The following ITGB8 variants were observed in gnomAD, a reference collection of about 807,000 sequenced individuals.
ITGB8 encodes the protein integrin subunit beta 8.
Under a neutral mutation model 89.5 loss-of-function variants are expected in ITGB8, and 30 were observed. The observed-to-expected ratio is 0.34, with a 90% CI of 0.25 to 0.45. ITGB8 has a LOEUF of 0.45. Ranked by LOEUF, ITGB8 falls within the 20% of genes least tolerant of loss-of-function variation. The probability of loss-of-function intolerance (pLI) is 1.00; values close to 1 mark genes in which losing one functional copy is unlikely to be tolerated. For missense variants in ITGB8, 836 were observed against 933.3 expected (o/e 0.90, Z 1.36); for synonymous variants, 335 against 320.4 (o/e 1.05, Z -0.49).
chr7:20,401,821 T>C lies in ITGB8; in HGVS notation c.1382T>C (p.Ile461Thr). Residue 461 changes from isoleucine to threonine, a missense_variant, in exon 10 of 14, where the codon ATT becomes ACT. This residue lies in a region of ITGB8 where 422 missense variants were observed against 416.9 expected (regional missense o/e 1.01). Transcript: ENST00000222573. ...KPIGFNETAK[I>T]HIHRNCSCQC... ...ATTGGTTTTAATGAAACCGCTAAAA[T>C]TCATATACACAGAAACTGCAGCTGT... 1 of 1,613,504 alleles carries C rather than the reference T, an allele frequency of 6.2e-7. No individual in the cohort carries two copies. Among genetic ancestry groups the C allele is most frequent in the Non-Finnish European group, 8.5e-7 (1 of 1,179,866 alleles).
intron 3 of ITGB8, 79 bp downstream of exon 3, chr7:20,367,265 T>C (rs1785738440): frequency 9.4e-7 from 1 of 1,062,524 alleles, no homozygotes; most frequent in African/African-American, 1.6e-5. Flanking sequence ...ATTTTTAATA[T>C]TATGTGGCAG....
intron 3 of ITGB8, among the ~76,000 whole-genome samples, chr7:20,368,755 A>C (rs1245598442): frequency 6.6e-6 from 1 of 152,104 alleles, no homozygotes; most frequent in Non-Finnish European, 1.5e-5. Flanking sequence ...ACTGAATATA[A>C]GCTGTATTTT....
intron 1 of ITGB8, among the ~76,000 whole-genome samples, chr7:20,353,931 C>CAAAAA (rs1158594685): frequency 0.011 from 612 of 55,600 alleles, 68 homozygotes; most frequent in Non-Finnish European, 0.014. Context: ...GACTCCGTCT[C>CAAAAA]AAAAAAAAAA....
At position 20,411,865 on chromosome 7, in the gene ITGB8, A is replaced by G. The variant is rs1787774233; in HGVS notation, c.*1868A>G. 1 of 151,958 alleles carries G rather than the reference A, an allele frequency of 6.6e-6. No homozygotes were observed. The highest frequency in any genetic ancestry group is 1.5e-5 in the Non-Finnish European group (1 of 67,988). The allele number at this position is 151,958 out of a possible 1,614,324, so 9.4% of individuals were successfully genotyped here. A position where few individuals can be genotyped will look rare whatever the true frequency, so the allele number is the denominator to read the frequency against. On this transcript the variant is annotated 3_prime_UTR_variant, in exon 14 of 14. Coordinates refer to ENST00000222573, the MANE Select transcript of ITGB8 (RefSeq NM_002214.3). The stretch of plus-strand genomic sequence containing the variant: ...CTCCAGTGCTCAGCTTGAGACCTTG[A>G]TACACGGGCCATGAGCCCTGTCTTC...
chr7:20,410,147 C>A lies in ITGB8; in HGVS notation c.*150C>A. On this transcript the variant is annotated 3_prime_UTR_variant, in exon 14 of 14. Transcript: ENST00000222573. ...TCGAACGAAGACTGACAAGTATCCT[C>A]ATCATGATGTGACTCACATAGCTGC... 1 of 722,730 alleles carries A rather than the reference C, an allele frequency of 1.4e-6. No individual in the cohort carries two copies. The highest frequency in any genetic ancestry group is 2.3e-6 in the Non-Finnish European group (1 of 437,876). 44.8% of individuals were successfully genotyped at this position (722,730 alleles called of 1,614,324 possible).
Position 20,409,906 on chromosome 7 carries a change from GA to G in ITGB8, c.2220del (p.Ala741GlnfsTer12), listed in dbSNP as rs866482932. 1 of 1,613,572 alleles carries G rather than the reference GA, an allele frequency of 6.2e-7. No homozygotes were observed. The highest frequency in any genetic ancestry group is 8.5e-7 in the Non-Finnish European group (1 of 1,179,764). ...DKLILQSVCT[R>X]AVTYRREKPE... The stretch of plus-strand genomic sequence containing the variant: ...TTGATTCTGCAAAGTGTTTGCACAA[GA>G]GCAGTCACCTACCGACGTGAGAAGC... On this transcript the variant is annotated frameshift_variant, in exon 14 of 14. Coordinates refer to ENST00000222573, the MANE Select transcript of ITGB8 (RefSeq NM_002214.3). LOFTEE classifies it high-confidence loss of function.
rs1270650892 is a variant in ITGB8 at position 20,415,713 on chromosome 7, A to G, written c.*5716A>G. The G allele has an allele frequency of 6.6e-6, 1 of 152,564 alleles. No homozygotes were observed. 9.5% of individuals were successfully genotyped at this position (152,564 alleles called of 1,614,324 possible). On this transcript the variant is annotated 3_prime_UTR_variant, in exon 14 of 14. Coordinates refer to ENST00000222573, the MANE Select transcript of ITGB8 (RefSeq NM_002214.3). The stretch of plus-strand genomic sequence containing the variant: ...TCTGTTTAGTAGTAGGTGTTAATCA[A>G]TATGAAATTCTCTGTTTTAAAATAA...
chr7:20,390,772 AG>A (rs1786821637), intron 6 of ITGB8, among the ~76,000 whole-genome samples: 1 of 152,128 alleles, frequency 6.6e-6, no homozygotes, highest in Non-Finnish European at 1.5e-5. Context: ...CAATCATGGA[AG>A]GCAGGTATCA....
At position 20,401,944 on chromosome 7, in the gene ITGB8, A is replaced by T. The variant is rs181108650; in HGVS notation, c.1505A>T (p.Asp502Val). 1 of 1,614,190 alleles carries T rather than the reference A, an allele frequency of 6.2e-7. No homozygotes were observed. The highest frequency in any genetic ancestry group is 2.2e-5 in the East Asian group (1 of 44,882). Residue 502 changes from aspartate (D) to valine (V), a missense_variant, in exon 10 of 14, where the codon GAT (aspartate) becomes GTT (valine). This residue lies in a region of ITGB8 where 422 missense variants were observed against 416.9 expected (regional missense o/e 1.01). Transcript: ENST00000222573. ...FQCDENKCHF[D>V]EDQFSSESCK... is the part of the protein sequence containing the mutation. The stretch of plus-strand genomic sequence containing the variant: ...TGTGATGAGAATAAATGTCATTTTG[A>T]TGAAGATCAGTTTTCTTCTGAGAGT...
intron 12 of ITGB8, among the ~76,000 whole-genome samples, chr7:20,408,198 G>A (rs1474078786): frequency 6.6e-6 from 1 of 152,112 alleles, no homozygotes; most frequent in African/African-American, 2.4e-5. Context: ...CAAAAGGCAT[G>A]TATGTTATGA....
At chr7:20,360,904 G>A (rs1785474051) in intron 1 of ITGB8, among the ~76,000 whole-genome samples, 1 of 134,254 alleles carries the variant, frequency 7.4e-6, no homozygotes, top group South Asian at 2.3e-4. Context: ...ATCTACTTTT[G>A]CAACTGCAGT....
At position 20,353,955 on chromosome 7, in the gene ITGB8, A is replaced by G. The variant is rs975023377; in HGVS notation, c.128-9682A>G. Among the ~76,000 whole-genome samples the G allele has an allele frequency of 2.7e-5, 4 of 150,738 alleles. No individual in the cohort carries two copies. In the South Asian group the frequency reaches 6.2e-4, roughly 24 times the overall value. ...TCAAAAAAAAAAAAAAAAAAAAAAA[A>G]AGAAAACGGTAATCTGTGTTTGTGG... On this transcript the variant is annotated intron_variant, in intron 1 of 13. Transcript: ENST00000222573.
At chr7:20,400,534 G>T (rs537369928) in intron 9 of ITGB8, among the ~76,000 whole-genome samples, 5 of 152,116 alleles carry the variant, frequency 3.3e-5, no homozygotes, top group Admixed American at 6.5e-5. Context: ...CAACCAAAAA[G>T]CTCAGCGCAA....
In ITGB8 at chr7:20,369,273, T is replaced by C. The variant is rs1785833039; in HGVS notation, c.388+2087T>C. Among the ~76,000 whole-genome samples the C allele has an allele frequency of 1.3e-5, 2 of 152,228 alleles. 1 individual carries two copies. Among genetic ancestry groups the C allele is most frequent in the South Asian group, 4.1e-4 (2 of 4,834 alleles). The stretch of plus-strand genomic sequence containing the variant: ...ACAGTCTCTTAGTCTGTTTGGCTGC[T>C]ATAACAAAGTACGTTGATTGGGTGG... On this transcript the variant is annotated intron_variant, in intron 3 of 13. Coordinates refer to ENST00000222573, the MANE Select transcript of ITGB8 (RefSeq NM_002214.3).
chr7:20,340,957 G>A (rs1228464935), intron 1 of ITGB8, among the ~76,000 whole-genome samples: 1 of 152,180 alleles, frequency 6.6e-6, no homozygotes, highest in Non-Finnish European at 1.5e-5. Context: ...CTGCTGGAGA[G>A]GTGCAAAGAG....
At chr7:20,349,246 G>C (rs1027937651) in intron 1 of ITGB8, among the ~76,000 whole-genome samples, 4 of 151,958 alleles carry the variant, frequency 2.6e-5, no homozygotes, top group Non-Finnish European at 5.9e-5. Context: ...GAGGATAGAA[G>C]AGGATTTACT....
chr7:20,346,895 T>G, intron 1 of ITGB8: 1 of 975,546 alleles, frequency 1.0e-6, no homozygotes, highest in Non-Finnish European at 1.2e-6. Flanking sequence ...TATGCTATGG[T>G]CTAAATGTTT....
At chr7:20,388,005 T>C (rs1189244894) in intron 6 of ITGB8, among the ~76,000 whole-genome samples, 3 of 152,202 alleles carry the variant, frequency 2.0e-5, no homozygotes, top group African/African-American at 7.2e-5. Flanking sequence ...TATTCTATTA[T>C]AAAAATTTAT....
At chr7:20,400,343 G>C (rs959332387) in intron 9 of ITGB8, among the ~76,000 whole-genome samples, 8 of 152,122 alleles carry the variant, frequency 5.3e-5, no homozygotes, top group Non-Finnish European at 1.0e-4. Flanking sequence ...TCTACTGTTA[G>C]AGATGGCAGT....
Sources: allele counts gnomAD v4.1 joint callset (sites outside exome capture counted in the v4.1 genomes callset), GRCh38; gene constraint gnomAD v4.1.1; regional missense constraint gnomAD v4.1.1; transcripts MANE v1.5; gene names NCBI Gene and HGNC (gene_info 2026-07-23, HGNC 2026-07-21).